CFAP65: variants seen among roughly 807,000 people sequenced by gnomAD.
CFAP65 encodes the protein cilia- and flagella-associated protein 65.
In CFAP65, 155 loss-of-function variants were observed where a neutral mutation model predicts 208.0. The observed-to-expected ratio is 0.75, with a 90% confidence interval of 0.65 to 0.85. The LOEUF (loss-of-function observed/expected upper bound fraction) is 0.85. Among genes scored for constraint, CFAP65 ranks in the 40% least tolerant of loss-of-function variants. The pLI, the probability that CFAP65 is intolerant of heterozygous loss-of-function variation, is 0.00. For missense variants in CFAP65, 2,294 were observed against 2,451.3 expected, an observed-to-expected ratio of 0.94 and a Z score of 1.36; for synonymous variants, 970 against 986.3, an observed-to-expected ratio of 0.98 and a Z score of 0.31.
intron 32 of CFAP65, 109 bp downstream of exon 32, chr2:219,005,325 C>G (rs1945887556): frequency 6.9e-7 from 1 of 1,454,832 alleles, no homozygotes; most frequent in South Asian, 1.2e-5. Context: ...CATGCCCCAC[C>G]AAGTTCTATT....
At chr2:219,027,280 C>T (rs1484022024) in intron 13 of CFAP65, 144 of 1,375,480 alleles carry the variant, frequency 1.0e-4, no homozygotes, top group South Asian at 6.0e-5. Flanking sequence ...GCTTCCTGCC[C>T]GCTCAAAGCT....
intron 5 of CFAP65, among the ~76,000 whole-genome samples, chr2:219,033,312 AT>A (rs1227128864): frequency 1.3e-5 from 2 of 152,040 alleles, no homozygotes; most frequent in South Asian, 2.1e-4. Flanking sequence ...CTATACCAAA[AT>A]TTTTTTTAAA....
At position 219,031,730 on chromosome 2, in the gene CFAP65, C is replaced by T; in HGVS notation, c.646-72G>A. ...AGGGACTGCACATCCCGCCCACCCT[C>T]AGCCACCCCCAACACAACCGCTGAG... On this transcript the variant is annotated intron_variant, in intron 6 of 34. Transcript: ENST00000341552. This position sits in a 1 kb window ranked among gnomAD's most constrained non-coding sequence, Gnocchi z 5.2. 1 of 1,529,252 alleles carries T rather than the reference C, an allele frequency of 6.5e-7. No homozygotes were observed. Among genetic ancestry groups the T allele is most frequent in the Non-Finnish European group, 8.8e-7 (1 of 1,134,124 alleles). 94.7% of individuals were successfully genotyped at this position (1,529,252 alleles called of 1,614,324 possible).
At chr2:219,035,276 A>G in intron 5 of CFAP65, 2 of 1,466,702 alleles carry the variant, frequency 1.4e-6, no homozygotes, top group Non-Finnish European at 9.1e-7. Context: ...ATTATGGTAC[A>G]GGCACACATT....
chr2:219,024,470 A>AGGGAGACGGGGGGGGGG (rs1168795562), intron 14 of CFAP65, among the ~76,000 whole-genome samples: 1 of 6,934 alleles, frequency 1.4e-4, no homozygotes, highest in African/African-American at 7.1e-4. Flanking sequence ...ACCTCCAGAA[A>AGGGAGACGGGGGGGGGG]GGGGCGGGGG....
Position 219,006,118 on chromosome 2 carries a change from G to T in CFAP65, c.4825C>A (p.Pro1609Thr). 1 of 1,613,680 alleles carries T rather than the reference G, an allele frequency of 6.2e-7. No homozygotes were observed. Among genetic ancestry groups the T allele is most frequent in the Non-Finnish European group, 8.5e-7 (1 of 1,179,992 alleles). ...VSWPCPQPPS[P>T]GMLCLGLTAR... The stretch of plus-strand genomic sequence containing the variant: ...GTAAGGCCCAGGCAGAGCATGCCTG[G>T]CGAGGGTGGCTGGGGGCAGGGCCAG... The change falls in exon 31 of 35, where the codon CCA (proline) becomes ACA (threonine). Residue 1609 changes from proline (P) to threonine (T), a missense_variant. Around this residue, in one of 2 missense-constraint regions of CFAP65, gnomAD observed 1,427 missense variants for 1,438.7 expected, o/e 0.99. Transcript: ENST00000341552.
chr2:219,018,851 G>T (rs16859466), intron 21 of CFAP65, 200 bp downstream of exon 21: 2 of 669,308 alleles, frequency 3.0e-6, no homozygotes, highest in Middle Eastern at 4.3e-4. Flanking sequence ...GCCTATCACC[G>T]TGTCTCAGCC....
At position 219,027,946 on chromosome 2, in the gene CFAP65, C is replaced by A. The variant is rs372104222; in HGVS notation, c.1915G>T (p.Asp639Tyr). 5 of 1,518,998 alleles carry A rather than the reference C, an allele frequency of 3.3e-6. No individual in the cohort carries two copies. Among genetic ancestry groups the A allele is most frequent in the Non-Finnish European group, 3.5e-6 (4 of 1,134,150 alleles). The allele number at this position is 1,518,998 out of a possible 1,614,324, so 94.1% of individuals were successfully genotyped here. Reference sequence around the variant, plus strand: ...AAGATGGTTATGTCGCTGGTGCCGTCGAAGAAGAACTCGGTCATGGGGGGG... The same window carrying A: ...AAGATGGTTATGTCGCTGGTGCCGTAGAAGAAGAACTCGGTCATGGGGGGG... Reference protein sequence around the residue: ...YIPPMTEFFFDGTSDITIFPP... With the variant: ...YIPPMTEFFFYGTSDITIFPP... Residue 639 changes from aspartate (D) to tyrosine (Y), a missense_variant, in exon 13 of 35, where the codon GAC (aspartate) becomes TAC (tyrosine). By Grantham distance (160) the Asp-to-Tyr change is radical. Coordinates refer to ENST00000341552, the MANE Select transcript of CFAP65 (RefSeq NM_194302.4).
chr2:219,029,839 A>T (rs1002563138), intron 10 of CFAP65, 147 bp downstream of exon 10: 13 of 1,127,694 alleles, frequency 1.2e-5, no homozygotes, highest in South Asian at 1.5e-5. Context: ...GTAGTCACGG[A>T]TGATTCCCCA....
At chr2:219,018,871 C>A (rs541259504) in intron 21 of CFAP65, 180 bp downstream of exon 21, 2 of 760,252 alleles carry the variant, frequency 2.6e-6, no homozygotes, top group Admixed American at 4.7e-5. Flanking sequence ...CGGTGACAGG[C>A]CCGGAGTCCT....
In CFAP65 at chr2:219,009,146, C is replaced by A. The variant is rs531292447; in HGVS notation, c.4575G>T (p.Ser1525=). 21 of 1,612,364 alleles carry A rather than the reference C, an allele frequency of 1.3e-5. No individual in the cohort carries two copies. The highest frequency in any genetic ancestry group is 3.3e-4 in the Middle Eastern group (2 of 6,080). Residue 1525 remains serine (S), a synonymous_variant, in exon 29 of 35, where the codon TCG becomes TCT. Transcript: ENST00000341552. The part of the protein sequence containing the change: ...YSADLVCKLY[S]QQLMRQYHKE... ...TGTGATACTGCCTCATGAGCTGCTG[C>A]GAGTACAGCTATGGCCCAGGACAGA...
intron 19 of CFAP65, among the ~76,000 whole-genome samples, chr2:219,020,309 G>C (rs1311158912): frequency 6.6e-6 from 1 of 152,116 alleles, no homozygotes; most frequent in Non-Finnish European, 1.5e-5. Context: ...GCAAGTGGTG[G>C]CAGGTATTGA....
rs1321025255 is a variant in CFAP65 at position 219,028,286 on chromosome 2, A to G, written c.1766T>C (p.Leu589Pro). ...GGCATCCAGGATGTCAGGGGGGTAG[A>G]GCGTCAGGCCCCGGGCCAGGTGTGT... ...YRTHLARGLTLYPPDILDAML... is the reference protein window; with the variant it reads ...YRTHLARGLTPYPPDILDAML... The change falls in exon 12 of 35, where the codon CTC (leucine) becomes CCC (proline). Residue 589 changes from leucine to proline, a missense_variant. Physicochemically the swap from Leu to Pro is moderately conservative, Grantham distance 98 (BLOSUM62 -3). Coordinates refer to ENST00000341552, the MANE Select transcript of CFAP65 (RefSeq NM_194302.4). 2 of 1,613,818 alleles carry G rather than the reference A, an allele frequency of 1.2e-6. No homozygotes were observed. Among genetic ancestry groups the G allele is most frequent in the Non-Finnish European group, 1.7e-6 (2 of 1,179,966 alleles).
At chr2:219,028,425 TG>T (rs750283604) in intron 11 of CFAP65, 24 bp from the exon 12 acceptor site, 657 of 1,416,870 alleles carry the variant, frequency 4.6e-4, no homozygotes, top group Middle Eastern at 1.5e-3. Context: ...CTGTGTGTGG[TG>T]GGGCATGGGA....
intron 21 of CFAP65, chr2:219,018,782 TGTTAA>T (rs1333225461): frequency 1.1e-5 from 5 of 463,268 alleles, no homozygotes; most frequent in Non-Finnish European, 2.0e-5. Flanking sequence ...GTGTCTCATT[TGTTAA>T]GTTATTAAGG....
chr2:219,012,125 T>A (rs1183278875), intron 24 of CFAP65, among the ~76,000 whole-genome samples: 1 of 152,214 alleles, frequency 6.6e-6, no homozygotes, highest in Non-Finnish European at 1.5e-5. Flanking sequence ...TTAATTAAGA[T>A]AAATTATAAT....
intron 24 of CFAP65, among the ~76,000 whole-genome samples, chr2:219,012,538 C>G (rs937162229): frequency 6.6e-5 from 10 of 152,206 alleles, no homozygotes; most frequent in Non-Finnish European, 1.5e-4. Flanking sequence ...GGCCCCTGCT[C>G]AGAAACACAT....
rs781076735 is a variant in CFAP65, at chr2:219,021,812, C to T, written c.3098G>A (p.Gly1033Asp). ...GTGGTTGTCAACGGCCTCAGGGCTGCCCTGCTCCAGGTAGAGGCGGTAATA... is the reference window on the plus strand; with the variant it reads ...GTGGTTGTCAACGGCCTCAGGGCTGTCCTGCTCCAGGTAGAGGCGGTAATA... Reference protein sequence around the residue: ...TLYYRLYLEQGSPEAVDNHPL... With the variant: ...TLYYRLYLEQDSPEAVDNHPL... Residue 1033 changes from glycine to aspartate, a missense_variant, in exon 18 of 35, where the codon GGC becomes GAC. Gly to Asp is a moderately conservative substitution (Grantham distance 94, BLOSUM62 -1). Coordinates refer to ENST00000341552, the MANE Select transcript of CFAP65 (RefSeq NM_194302.4). The T allele has an allele frequency of 1.9e-6, 3 of 1,613,790 alleles. No individual in the cohort carries two copies. The Admixed American group carries it at 5.0e-5, about 27-fold the overall frequency.
intron 2 of CFAP65, chr2:219,039,279 A>T (rs890700653): frequency 1.7e-5 from 6 of 351,258 alleles, no homozygotes; most frequent in African/African-American, 1.1e-4. Flanking sequence ...TCTAAGGCAC[A>T]CAAAGTATCT....
Sources: gnomAD v4.1 joint callset for allele counts (sites outside exome capture counted in the v4.1 genomes callset) on GRCh38, gnomAD v4.1.1 for gene constraint, gnomAD v4.1.1 regional missense constraint, Gnocchi (gnomAD v3.1) non-coding constraint, MANE v1.5 for transcripts, NCBI Gene and HGNC (gene_info 2026-07-23, HGNC 2026-07-21) for gene names.